Variants in TBC1D22A observed in about 807,000 individuals in gnomAD.
TBC1D22A encodes the protein putative GTPase activator.
TBC1D22A carries 38 observed loss-of-function variants against 60.2 expected under a neutral mutation model. The ratio of observed to expected loss-of-function variants is 0.63; its 90% confidence interval spans 0.49 to 0.83. The LOEUF is 0.83. Ranked by LOEUF, TBC1D22A falls within the 40% of genes least tolerant of loss-of-function variation. The probability of loss-of-function intolerance (pLI) is 0.00; values close to 1 mark genes in which losing one functional copy is unlikely to be tolerated. For missense variants in TBC1D22A, 628 were observed against 701.0 expected, an observed-to-expected ratio of 0.90 and a Z score of 1.18; for synonymous variants, 302 against 281.7, an observed-to-expected ratio of 1.07 and a Z score of -0.72.
chr22:47,030,520 T>G (rs1281187047), intron 10 of TBC1D22A, among the ~76,000 whole-genome samples: 4 of 152,238 alleles, frequency 2.6e-5, no homozygotes, highest in Non-Finnish European at 5.9e-5. Context: ...ATATTGTGGT[T>G]GTTTCTCCAG....
chr22:46,970,225 C>A (rs992845197), intron 8 of TBC1D22A, among the ~76,000 whole-genome samples: 1 of 151,874 alleles, frequency 6.6e-6, no homozygotes, highest in Non-Finnish European at 1.5e-5. Flanking sequence ...CCCTGCCTGA[C>A]CCCCACCCCC....
intron 11 of TBC1D22A, among the ~76,000 whole-genome samples, chr22:47,063,932 GCCC>G (rs1198013827): frequency 6.7e-6 from 1 of 149,656 alleles, no homozygotes; most frequent in Non-Finnish European, 1.5e-5. Context: ...TTGGATCAGG[GCCC>G]CCCTACTCCA....
intron 4 of TBC1D22A, among the ~76,000 whole-genome samples, chr22:46,798,502 A>G (rs1226573603): frequency 3.3e-5 from 5 of 152,246 alleles, no homozygotes; most frequent in Non-Finnish European, 7.3e-5. Context: ...CGCAGTGCCC[A>G]TGTGGACTGC....
intron 11 of TBC1D22A, among the ~76,000 whole-genome samples, chr22:47,048,974 A>G (rs948285573): frequency 5.9e-5 from 9 of 152,250 alleles, no homozygotes; most frequent in Non-Finnish European, 1.2e-4. Flanking sequence ...AAATCCAAAA[A>G]GGAAACGTTA....
intron 8 of TBC1D22A, among the ~76,000 whole-genome samples, chr22:46,970,198 G>A (rs980209005): frequency 2.6e-5 from 4 of 152,030 alleles, no homozygotes; most frequent in Non-Finnish European, 4.4e-5. Context: ...CCAAGGCCCC[G>A]GGGCCTGAGA....
rs114008891 is a variant in TBC1D22A at position 46,852,393 on chromosome 22, C to T, written c.638-26260C>T. On this transcript the variant is annotated intron_variant, in intron 4 of 12. Coordinates refer to ENST00000337137, the MANE Select transcript of TBC1D22A (RefSeq NM_014346.5). ...TCTGTGGTCTGGCCTGTTTCTTCAG[C>T]GACACCATTCACATGCTGATCCCTT... Among the ~76,000 whole-genome samples the T allele has an allele frequency of 9.8e-3, 1,489 of 152,272 alleles. 20 individuals are homozygous for T. Among genetic ancestry groups the T allele is most frequent in the African/African-American group, 0.034 (1,404 of 41,552 alleles).
intron 6 of TBC1D22A, among the ~76,000 whole-genome samples, chr22:46,893,938 CTG>C (rs745471853): frequency 2.6e-5 from 4 of 152,220 alleles, no homozygotes; most frequent in African/African-American, 4.8e-5. Context: ...GACAAGGAAA[CTG>C]AGGCCTGGCC....
intron 11 of TBC1D22A, among the ~76,000 whole-genome samples, chr22:47,068,104 C>T (rs911867752): frequency 6.6e-6 from 1 of 152,260 alleles, no homozygotes; most frequent in African/African-American, 2.4e-5. Context: ...TGTCTGGCCA[C>T]GGGCAGTGTC....
chr22:46,821,808 T>C (rs2147099936), intron 4 of TBC1D22A, among the ~76,000 whole-genome samples: 1 of 152,288 alleles, frequency 6.6e-6, no homozygotes, highest in South Asian at 2.1e-4. Context: ...GAAGTTCTCC[T>C]GGGTAAATAT....
At chr22:47,063,351 T>C (rs131934) in intron 11 of TBC1D22A, among the ~76,000 whole-genome samples, 71,634 of 151,870 alleles carry the variant, frequency 0.47, 17,580 homozygotes, top group East Asian at 0.59. Flanking sequence ...GGTGAAGAGG[T>C]TCCCTTAGGA....
intron 4 of TBC1D22A, among the ~76,000 whole-genome samples, chr22:46,851,877 T>C (rs1284627504): frequency 6.6e-6 from 1 of 152,186 alleles, no homozygotes; most frequent in African/African-American, 2.4e-5. Context: ...GCCATGAATG[T>C]CATGTTGGTC....
chr22:47,058,917 G>A (rs1388548462), intron 11 of TBC1D22A, among the ~76,000 whole-genome samples: 1 of 152,152 alleles, frequency 6.6e-6, no homozygotes, highest in Non-Finnish European at 1.5e-5. Context: ...GGGGCCCTGG[G>A]GAACCTCTCC....
chr22:46,806,341 A>AT (rs34490073), intron 4 of TBC1D22A, among the ~76,000 whole-genome samples: 2,149 of 132,554 alleles, frequency 0.016, 76 homozygotes, highest in African/African-American at 0.054. Flanking sequence ...CTCTGTTCTG[A>AT]TTTTTTTTTT....
chr22:46,804,165 C>T (rs2085028973), intron 4 of TBC1D22A, among the ~76,000 whole-genome samples: 1 of 152,210 alleles, frequency 6.6e-6, no homozygotes, highest in African/African-American at 2.4e-5. Flanking sequence ...TGGCTTCCCC[C>T]ACATCACCGT....
intron 11 of TBC1D22A, among the ~76,000 whole-genome samples, chr22:47,061,669 T>C (rs757902464): frequency 6.6e-6 from 1 of 152,156 alleles, no homozygotes; most frequent in Non-Finnish European, 1.5e-5. Flanking sequence ...CTCTCCATAG[T>C]CATCTAGAGA....
chr22:47,060,479 A>G (rs1337737305), intron 11 of TBC1D22A, among the ~76,000 whole-genome samples: 1 of 150,638 alleles, frequency 6.6e-6, no homozygotes, highest in Non-Finnish European at 1.5e-5. Flanking sequence ...AGCCCAGGCT[A>G]GAGTGCAGTG....
chr22:46,917,747 A>G (rs1308518638), intron 8 of TBC1D22A, among the ~76,000 whole-genome samples: 3 of 151,752 alleles, frequency 2.0e-5, no homozygotes, highest in African/African-American at 7.3e-5. Flanking sequence ...GTGTCTGGGG[A>G]GAGTGGAGTG....
intron 12 of TBC1D22A, among the ~76,000 whole-genome samples, chr22:47,129,831 G>A (rs1291547765): frequency 6.6e-6 from 1 of 152,232 alleles, no homozygotes; most frequent in African/African-American, 2.4e-5. Flanking sequence ...CGCCAGAGGC[G>A]CCGCTCAGCC....
chr22:47,052,600 C>T (rs926836568), intron 11 of TBC1D22A, among the ~76,000 whole-genome samples: 2 of 152,192 alleles, frequency 1.3e-5, no homozygotes, highest in Non-Finnish European at 2.9e-5. Flanking sequence ...TTGCACCAAG[C>T]TTCTCCGGGG....
Sources: allele counts gnomAD v4.1 joint callset (sites outside exome capture counted in the v4.1 genomes callset), GRCh38; gene constraint gnomAD v4.1.1; transcripts MANE v1.5; gene names NCBI Gene and HGNC (gene_info 2026-07-23, HGNC 2026-07-21).